Variants in SYN2 observed in about 807,000 individuals in gnomAD.
SYN2 encodes the protein synapsin II.
A neutral mutation model predicts 50.9 loss-of-function variants in SYN2; 19 were observed. The ratio of observed to expected loss-of-function variants is 0.37; its 90% CI spans 0.26 to 0.55. SYN2 has a LOEUF of 0.55. Among genes scored for constraint, SYN2 ranks in the 20% least tolerant of loss-of-function variants. The pLI, the probability that SYN2 is intolerant of heterozygous loss-of-function variation, is 0.81. For synonymous variants in SYN2, 255 were observed against 224.9 expected, an observed-to-expected ratio of 1.13 and a Z score of -1.20; for missense variants, 587 against 576.4, an observed-to-expected ratio of 1.02 and a Z score of -0.19.
At chr3:12,024,064 G>A (rs896941778) in intron 1 of SYN2, among the ~76,000 whole-genome samples, 1 of 148,250 alleles carries the variant, frequency 6.7e-6, no homozygotes, top group Admixed American at 6.7e-5. Flanking sequence ...TGAGTTTTTA[G>A]TATAAAATTA....
At chr3:12,041,166 C>T (rs1052416365) in intron 1 of SYN2, among the ~76,000 whole-genome samples, 3 of 152,168 alleles carry the variant, frequency 2.0e-5, no homozygotes. Flanking sequence ...TGGCTTGAAT[C>T]TCTGTTGAAA....
chr3:12,180,140 C>T (rs575084286), intron 10 of SYN2, among the ~76,000 whole-genome samples: 4 of 152,054 alleles, frequency 2.6e-5, no homozygotes, highest in East Asian at 1.9e-4. Flanking sequence ...GTAGAGACAG[C>T]GTTTCATCAT....
intron 1 of SYN2, among the ~76,000 whole-genome samples, chr3:12,063,591 A>G (rs1400336577): frequency 6.6e-6 from 1 of 152,070 alleles, no homozygotes; most frequent in African/African-American, 2.4e-5. Flanking sequence ...ATAATGGATT[A>G]AAGTTGGAGA....
intron 1 of SYN2, among the ~76,000 whole-genome samples, chr3:12,047,390 A>G (rs1234090413): frequency 6.6e-6 from 1 of 152,188 alleles, no homozygotes; most frequent in Non-Finnish European, 1.5e-5. Context: ...TCATCTACTG[A>G]GAAGAAGGAA....
intron 1 of SYN2, among the ~76,000 whole-genome samples, chr3:12,046,262 A>G (rs1314700865): frequency 6.6e-6 from 1 of 152,196 alleles, no homozygotes; most frequent in African/African-American, 2.4e-5. Context: ...TGGTGAGTAT[A>G]TTACATTTAA....
chr3:12,022,333 TAA>T (rs1486663161), intron 1 of SYN2, among the ~76,000 whole-genome samples: 2 of 152,246 alleles, frequency 1.3e-5, no homozygotes, highest in Admixed American at 6.5e-5. Flanking sequence ...TTTCACCATT[TAA>T]GTTTCATTTC....
intron 11 of SYN2, among the ~76,000 whole-genome samples, chr3:12,186,174 T>G (rs1698338960): frequency 6.6e-6 from 1 of 152,188 alleles, no homozygotes; most frequent in Non-Finnish European, 1.5e-5. Flanking sequence ...TAGCTGGTGC[T>G]GAGTTTCTGT....
At chr3:12,060,333 C>T (rs902558225) in intron 1 of SYN2, among the ~76,000 whole-genome samples, 2 of 152,094 alleles carry the variant, frequency 1.3e-5, no homozygotes, top group African/African-American at 2.4e-5. Flanking sequence ...GAAATACACC[C>T]GGAGCCTTCT....
At chr3:12,018,399 T>C (rs1414713958) in intron 1 of SYN2, among the ~76,000 whole-genome samples, 2 of 152,204 alleles carry the variant, frequency 1.3e-5, no homozygotes, top group Admixed American at 6.5e-5. Context: ...CTTTGGATCC[T>C]GTGTGTATTT....
intron 1 of SYN2, among the ~76,000 whole-genome samples, chr3:12,101,860 A>G (rs1229179202): frequency 6.6e-6 from 1 of 152,164 alleles, no homozygotes; most frequent in African/African-American, 2.4e-5. Context: ...TGGCAAAATC[A>G]CTAGGAAGGC....
At chr3:12,106,243 T>G (rs1462854377) in intron 1 of SYN2, among the ~76,000 whole-genome samples, 1 of 152,206 alleles carries the variant, frequency 6.6e-6, no homozygotes, top group Admixed American at 6.5e-5. Flanking sequence ...CATCAAATCC[T>G]TCTCATGCTT....
chr3:12,084,520 G>A (rs567040812), intron 1 of SYN2, among the ~76,000 whole-genome samples: 1 of 152,188 alleles, frequency 6.6e-6, no homozygotes, highest in African/African-American at 2.4e-5. Context: ...TATACAAAAT[G>A]CTAAAGGGAG....
intron 1 of SYN2, among the ~76,000 whole-genome samples, chr3:12,034,398 C>G (rs756816128): frequency 1.4e-4 from 21 of 152,048 alleles, no homozygotes; most frequent in African/African-American, 1.9e-4. Flanking sequence ...TTAATTGAGT[C>G]TTTCTGTTGT....
chr3:12,051,030 CG>C, intron 1 of SYN2, among the ~76,000 whole-genome samples: 1 of 152,106 alleles, frequency 6.6e-6, no homozygotes, highest in Non-Finnish European at 1.5e-5. Flanking sequence ...CCACCGCGCC[CG>C]GCCTCTTTTT....
At chr3:12,030,909 G>T in intron 1 of SYN2, among the ~76,000 whole-genome samples, 1 of 131,046 alleles carries the variant, frequency 7.6e-6, no homozygotes, top group Non-Finnish European at 1.6e-5. Context: ...GTTATTTCTT[G>T]CCTTCTGCTA....
At chr3:12,053,016 A>G (rs1026881967) in intron 1 of SYN2, among the ~76,000 whole-genome samples, 2 of 152,242 alleles carry the variant, frequency 1.3e-5, no homozygotes, top group Non-Finnish European at 2.9e-5. Flanking sequence ...ACAACCCTAC[A>G]GCAAAAGGCA....
At position 12,158,672 on chromosome 3, in the gene SYN2, T is replaced by TG. The variant is rs537505002; in HGVS notation, c.775-2873dup. On this transcript the variant is annotated intron_variant, in intron 5 of 12. Coordinates refer to ENST00000621198, the MANE Select transcript of SYN2 (RefSeq NM_133625.6). ...ATACTAATCCCCCACAACCACCCCC[T>TG]GCTGTGGACCTCGCGGACCTCGGAC... is the stretch of plus-strand genomic sequence containing the variant. 766 of 1,608,070 alleles carry TG rather than the reference T, an allele frequency of 4.8e-4. 8 individuals carry two copies. In the East Asian group the frequency reaches 0.015, roughly 31 times the overall value.
rs559214512 is a variant in SYN2 at position 12,139,419 on chromosome 3, CA to C, written c.378-1231del. 1.2e-4 allele frequency among the ~76,000 whole-genome samples: 19 copies of C among 152,224 alleles called. No homozygotes were observed. The East Asian group carries it at 2.5e-3, about 20-fold the overall frequency. The stretch of plus-strand genomic sequence containing the variant: ...AGCAGAGATGGAGAGAATAGATCAC[CA>C]GGGGGAGACAGTGCCTGCAGTGTGA... On this transcript the variant is annotated intron_variant, in intron 1 of 12. Coordinates refer to ENST00000621198, the MANE Select transcript of SYN2 (RefSeq NM_133625.6).
intron 1 of SYN2, among the ~76,000 whole-genome samples, chr3:12,082,521 T>C (rs2125175211): frequency 6.6e-6 from 1 of 152,332 alleles, no homozygotes; most frequent in African/African-American, 2.4e-5. Context: ...CTATATTAAC[T>C]CTTTTCTGCA....
Sources: allele counts gnomAD v4.1 joint callset (sites outside exome capture counted in the v4.1 genomes callset), GRCh38; gene constraint gnomAD v4.1.1; transcripts MANE v1.5; gene names NCBI Gene and HGNC (gene_info 2026-07-23, HGNC 2026-07-21).